STAP1: variants seen among roughly 807,000 people sequenced by gnomAD.
STAP1 encodes the protein signal-transducing adaptor protein 1.
Under a neutral mutation model 37.8 loss-of-function variants are expected in STAP1, and 30 were observed. That is an observed-to-expected ratio of 0.79 (90% confidence interval 0.59 to 1.08). The LOEUF (loss-of-function observed/expected upper bound fraction) is 1.08. Ranked by LOEUF, STAP1 falls within the 50% of genes least tolerant of loss-of-function variation. The probability of loss-of-function intolerance (pLI) is 0.00; values close to 1 mark genes in which losing one functional copy is unlikely to be tolerated. For synonymous variants in STAP1, 130 were observed against 116.0 expected, an observed-to-expected ratio of 1.12 and a Z score of -0.78; for missense variants, 357 against 349.4, an observed-to-expected ratio of 1.02 and a Z score of -0.17.
chr4:67,596,205 G>A (rs1728220270), intron 8 of STAP1, among the ~76,000 whole-genome samples: 1 of 152,110 alleles, frequency 6.6e-6, no homozygotes, highest in Non-Finnish European at 1.5e-5. Context: ...CATGAGATCT[G>A]ATGGTTTTAA....
chr4:67,599,524 CT>C (rs1728294485), intron 8 of STAP1, among the ~76,000 whole-genome samples: 1 of 152,008 alleles, frequency 6.6e-6, no homozygotes. Flanking sequence ...TCTAATTATC[CT>C]TTTAATTTCT....
At chr4:67,593,522 A>G (rs1368322275) in intron 8 of STAP1, among the ~76,000 whole-genome samples, 166 bp downstream of exon 8, 1 of 152,218 alleles carries the variant, frequency 6.6e-6, no homozygotes, top group Non-Finnish European at 1.5e-5. Context: ...TGAAAATAGG[A>G]AAGTACCAAT....
rs368722145 is a variant in STAP1 at position 67,593,388 on chromosome 4, G to GAAACA, written c.826+51_826+55dup. The GAAACA allele has an allele frequency of 1.2e-4, 182 of 1,510,968 alleles. 1 individual carries two copies. In the African/African-American group the frequency reaches 1.3e-3, roughly 11 times the overall value. 93.6% of individuals were successfully genotyped at this position (1,510,968 alleles called of 1,614,324 possible). On this transcript the variant is annotated intron_variant, in intron 8 of 8. Coordinates refer to ENST00000265404, the MANE Select transcript of STAP1 (RefSeq NM_012108.4). ...TTTTCACTTCATTGCTATGTTAAGG[G>GAAACA]AAACAAAACAAAACAAAACAAAATC...
At chr4:67,562,404 T>A (rs1313926042) in intron 1 of STAP1, among the ~76,000 whole-genome samples, 1 of 152,052 alleles carries the variant, frequency 6.6e-6, no homozygotes. Flanking sequence ...TCTATGGCAG[T>A]AATCTCCAAA....
chr4:67,579,101 A>G (rs564593154), intron 4 of STAP1, among the ~76,000 whole-genome samples: 56 of 152,078 alleles, frequency 3.7e-4, no homozygotes, highest in African/African-American at 1.3e-3. Flanking sequence ...TGATCCTCCC[A>G]CCTCGGCCTC....
chr4:67,598,998 TTGG>T (rs1269170824), intron 8 of STAP1, among the ~76,000 whole-genome samples: 1 of 152,232 alleles, frequency 6.6e-6, no homozygotes, highest in Admixed American at 6.5e-5. Context: ...CTTCATTCTA[TTGG>T]TACAATGTAT....
In STAP1 at chr4:67,599,861, C is replaced by T. The variant is rs112598850; in HGVS notation, c.827-6435C>T. On this transcript the variant is annotated intron_variant, in intron 8 of 8. Coordinates refer to ENST00000265404, the MANE Select transcript of STAP1 (RefSeq NM_012108.4). ...TTCACCATGTTGGCCAGGCTGGTCT[C>T]GAACTCCTGACCTCAAGTGATCCAC... Among the ~76,000 whole-genome samples, 1,288 of 152,082 alleles carry T rather than the reference C, an allele frequency of 8.5e-3. 20 individuals are homozygous for T. The highest frequency in any genetic ancestry group is 0.029 in the African/African-American group (1,216 of 41,488).
intron 8 of STAP1, among the ~76,000 whole-genome samples, chr4:67,602,650 T>C (rs538971643): frequency 1.3e-5 from 2 of 152,330 alleles, no homozygotes; most frequent in African/African-American, 4.8e-5. Flanking sequence ...AAAGAATGTC[T>C]TGGATTACCA....
At chr4:67,563,488 T>C (rs1309125538) in intron 1 of STAP1, among the ~76,000 whole-genome samples, 1 of 152,116 alleles carries the variant, frequency 6.6e-6, no homozygotes, top group Non-Finnish European at 1.5e-5. Context: ...GGAGGATTGC[T>C]TGAGGCCAGG....
chr4:67,588,419 GT>G (rs1208249041), intron 6 of STAP1, among the ~76,000 whole-genome samples: 1 of 151,304 alleles, frequency 6.6e-6, no homozygotes, highest in African/African-American at 2.4e-5. Flanking sequence ...TTTTGTTTTT[GT>G]TTTTTTTGAG....
chr4:67,571,212 C>A, intron 2 of STAP1, 57 bp downstream of exon 2: 3 of 1,169,766 alleles, frequency 2.6e-6, no homozygotes, highest in Non-Finnish European at 3.7e-6. Flanking sequence ...TGTCACATAG[C>A]ATATTATTCA....
At chr4:67,599,330 T>C (rs1413940385) in intron 8 of STAP1, among the ~76,000 whole-genome samples, 1 of 152,208 alleles carries the variant, frequency 6.6e-6, no homozygotes, top group Non-Finnish European at 1.5e-5. Flanking sequence ...AGTGAAGCCA[T>C]TGGGTCCCAG....
rs537735256 is a variant in STAP1 at position 67,592,002 on chromosome 4, C to A, written c.729+1049C>A. ...ATCTTTGTAACTGGGTAAACTGGGG[C>A]TCATTTCTGTCATTAGCTCATACAG... On this transcript the variant is annotated intron_variant, in intron 7 of 8. Coordinates refer to ENST00000265404, the MANE Select transcript of STAP1 (RefSeq NM_012108.4). Among the ~76,000 whole-genome samples, 6 of 152,296 alleles carry A rather than the reference C, an allele frequency of 3.9e-5. No individual in the cohort carries two copies. The South Asian group carries it at 1.2e-3, about 32-fold the overall frequency.
intron 1 of STAP1, among the ~76,000 whole-genome samples, chr4:67,569,459 G>A (rs905985597): frequency 6.7e-6 from 1 of 149,586 alleles, no homozygotes; most frequent in Non-Finnish European, 1.5e-5. Context: ...TTAGCTTACT[G>A]TAACTATTTT....
chr4:67,587,857 A>T (rs553984568), intron 6 of STAP1, among the ~76,000 whole-genome samples: 8 of 151,244 alleles, frequency 5.3e-5, no homozygotes, highest in African/African-American at 1.9e-4. Context: ...AGTAGCTGGG[A>T]TTACAAGCAT....
At chr4:67,561,837 G>A (rs1459890111) in intron 1 of STAP1, among the ~76,000 whole-genome samples, 1 of 151,932 alleles carries the variant, frequency 6.6e-6, no homozygotes, top group African/African-American at 2.4e-5. Context: ...ACTCTGGGAG[G>A]CCCAGGTGGG....
chr4:67,588,895 C>T (rs544221050), intron 6 of STAP1, among the ~76,000 whole-genome samples: 7 of 152,140 alleles, frequency 4.6e-5, no homozygotes, highest in Non-Finnish European at 8.8e-5. Flanking sequence ...TAAAACAATA[C>T]ATTTAAGAAG....
intron 1 of STAP1, among the ~76,000 whole-genome samples, chr4:67,559,379 A>C (rs184677134): frequency 1.1e-3 from 160 of 152,264 alleles, no homozygotes; most frequent in African/African-American, 3.5e-3. Context: ...TGATCAAATT[A>C]TTAAAAATGG....
Position 67,575,418 on chromosome 4 carries a change from T to C in STAP1, c.226T>C (p.Cys76Arg), listed in dbSNP as rs2109860783. The change falls in exon 3 of 9, where the codon TGC becomes CGC. Residue 76 changes from cysteine (C) to arginine (R), a missense_variant. Physicochemically the swap from Cys to Arg is radical, Grantham distance 180. Transcript: ENST00000265404. ...CAAATTAGACATAGTAGACCTCACA[T>C]GCCTTACTGAGCAGAATTCAACTGA... is the stretch of plus-strand genomic sequence containing the variant. ...VDKLDIVDLT[C>R]LTEQNSTEKN... The C allele has an allele frequency of 6.2e-7, 1 of 1,602,462 alleles. No individual in the cohort carries two copies.
Sources: gnomAD v4.1 joint callset for allele counts (sites outside exome capture counted in the v4.1 genomes callset) on GRCh38, gnomAD v4.1.1 for gene constraint, MANE v1.5 for transcripts, NCBI Gene and HGNC (gene_info 2026-07-23, HGNC 2026-07-21) for gene names.